Variants in FBXL7 observed in about 807,000 individuals in gnomAD.
The protein encoded by FBXL7 is F-box/LRR-repeat protein 7.
Under a neutral mutation model 38.3 loss-of-function variants are expected in FBXL7, and 12 were observed. The observed-to-expected ratio is 0.31, with a 90% confidence interval of 0.20 to 0.51. The LOEUF (loss-of-function observed/expected upper bound fraction) is 0.51, where lower values mean the gene tolerates loss of function less well. Ranked by LOEUF, FBXL7 falls within the 20% of genes least tolerant of loss-of-function variation. The pLI is 0.98. For missense variants in FBXL7, 567 were observed against 676.4 expected (o/e 0.84, Z 1.79); for synonymous variants, 297 against 300.9 (o/e 0.99, Z 0.13).
At chr5:15,798,196 G>A (rs112142393) in intron 2 of FBXL7, among the ~76,000 whole-genome samples, 3 of 152,226 alleles carry the variant, frequency 2.0e-5, no homozygotes, top group Non-Finnish European at 4.4e-5. Context: ...TTTCTATTTG[G>A]AAAGACTGAT....
chr5:15,848,325 C>G (rs1216580306), intron 2 of FBXL7, among the ~76,000 whole-genome samples: 1 of 151,970 alleles, frequency 6.6e-6, no homozygotes, highest in Non-Finnish European at 1.5e-5. Context: ...CACAATATGG[C>G]AGACACAACA....
chr5:15,784,519 T>C (rs1737082830), intron 2 of FBXL7, among the ~76,000 whole-genome samples: 1 of 152,116 alleles, frequency 6.6e-6, no homozygotes, highest in Non-Finnish European at 1.5e-5. Context: ...AAATCTCACG[T>C]TGAAATGTAA....
At chr5:15,763,699 G>A (rs1202889788) in intron 2 of FBXL7, among the ~76,000 whole-genome samples, 16 of 152,092 alleles carry the variant, frequency 1.1e-4, no homozygotes, top group Non-Finnish European at 8.8e-5. Flanking sequence ...TCACTTTTGA[G>A]TTGAAAACAA....
intron 2 of FBXL7, among the ~76,000 whole-genome samples, chr5:15,670,312 A>G (rs896547674): frequency 6.6e-6 from 1 of 152,164 alleles, no homozygotes; most frequent in East Asian, 1.9e-4. Context: ...ATATGACTGA[A>G]TCATTGTTCC....
intron 1 of FBXL7, among the ~76,000 whole-genome samples, chr5:15,597,602 G>A (rs1036211718): frequency 6.6e-6 from 1 of 151,878 alleles, no homozygotes; most frequent in African/African-American, 2.4e-5. Flanking sequence ...AAGAAGGCGT[G>A]TGAAGAAGGC....
chr5:15,604,319 T>C (rs1319024111), intron 1 of FBXL7, among the ~76,000 whole-genome samples: 16 of 152,212 alleles, frequency 1.1e-4, no homozygotes, highest in Admixed American at 1.0e-3. Context: ...AAAGTTGGTA[T>C]GTGGAATGAT....
chr5:15,760,453 G>T (rs1736411885), intron 2 of FBXL7, among the ~76,000 whole-genome samples: 1 of 151,344 alleles, frequency 6.6e-6, no homozygotes, highest in Non-Finnish European at 1.5e-5. Context: ...AAAAAGTTGA[G>T]AGAGTCCTAG....
chr5:15,721,876 C>T (rs954767429), intron 2 of FBXL7, among the ~76,000 whole-genome samples: 3 of 151,898 alleles, frequency 2.0e-5, no homozygotes, highest in African/African-American at 7.3e-5. Context: ...GCTCTGTCGC[C>T]CAGGCTAGAG....
intron 2 of FBXL7, among the ~76,000 whole-genome samples, chr5:15,787,078 A>C (rs988943084): frequency 6.6e-6 from 1 of 152,220 alleles, no homozygotes; most frequent in Non-Finnish European, 1.5e-5. Flanking sequence ...CAGCTGGAAG[A>C]GGCCAGGATG....
At chr5:15,603,932 T>C (rs1739899301) in intron 1 of FBXL7, among the ~76,000 whole-genome samples, 1 of 152,150 alleles carries the variant, frequency 6.6e-6, no homozygotes. Context: ...AGGCCAAAAG[T>C]TCAAGACCAG....
rs192355349 is a variant in FBXL7, at chr5:15,727,120, A to G, written c.127+111048A>G. On this transcript the variant is annotated intron_variant, in intron 2 of 3. Transcript: ENST00000504595. The stretch of plus-strand genomic sequence containing the variant: ...GAAAACTCTGCTCCTTTATAGCTCC[A>G]TCTTCACCCCTCTTGGTTGTTGATG... Among the ~76,000 whole-genome samples, 391 of 152,250 alleles carry G rather than the reference A, an allele frequency of 2.6e-3. 1 individual carries two copies. Among genetic ancestry groups the G allele is most frequent in the Admixed American group, 9.7e-3 (148 of 15,276 alleles).
At chr5:15,702,232 T>C (rs1266133087) in intron 2 of FBXL7, among the ~76,000 whole-genome samples, 1 of 82,438 alleles carries the variant, frequency 1.2e-5, no homozygotes, top group African/African-American at 4.6e-5. Context: ...GCGAGACTCC[T>C]CTCAAAAAAA....
chr5:15,727,020 T>G (rs1326736384), intron 2 of FBXL7, among the ~76,000 whole-genome samples: 1 of 152,170 alleles, frequency 6.6e-6, no homozygotes, highest in African/African-American at 2.4e-5. Context: ...GTTATTACCA[T>G]AAGGATTACA....
rs200968710 is a variant in FBXL7 at position 15,905,418 on chromosome 5, T to TG, written c.128-22472_128-22471insG. Among the ~76,000 whole-genome samples, 787 of 152,304 alleles carry TG rather than the reference T, an allele frequency of 5.2e-3. 11 individuals are homozygous for TG. Among genetic ancestry groups the TG allele is most frequent in the African/African-American group, 0.018 (748 of 41,582 alleles). ...ATCTGGCCTAGAGTGAGGAATCCTT[T>TG]TTAAGACAGTTTGTATTGAATGAAC... On this transcript the variant is annotated intron_variant, in intron 2 of 3. Coordinates refer to ENST00000504595, the MANE Select transcript of FBXL7 (RefSeq NM_012304.5).
intron 2 of FBXL7, among the ~76,000 whole-genome samples, chr5:15,729,105 A>T (rs973304285): frequency 6.6e-6 from 1 of 152,152 alleles, no homozygotes; most frequent in African/African-American, 2.4e-5. Context: ...ATGTAAATGC[A>T]CTGAAATGGG....
intron 2 of FBXL7, among the ~76,000 whole-genome samples, chr5:15,921,451 C>T (rs1167137913): frequency 2.6e-5 from 4 of 151,562 alleles, no homozygotes. Flanking sequence ...CTTTTCAGAT[C>T]TGTCTGTCCA....
rs187655049 is a variant in FBXL7, at chr5:15,860,855, T to G, written c.128-67035T>G. Among the ~76,000 whole-genome samples, 13 of 152,280 alleles carry G rather than the reference T, an allele frequency of 8.5e-5. No individual in the cohort carries two copies. The East Asian group carries it at 2.5e-3, about 29-fold the overall frequency. On this transcript the variant is annotated intron_variant, in intron 2 of 3. Transcript: ENST00000504595. ...TAATTGTCTAGACCAGATGTCTAATTATATACTTAGAGAAGCTAAGGTCCA... is the reference window on the plus strand; with the variant it reads ...TAATTGTCTAGACCAGATGTCTAATGATATACTTAGAGAAGCTAAGGTCCA...
At chr5:15,789,235 A>G (rs1479778570) in intron 2 of FBXL7, among the ~76,000 whole-genome samples, 1 of 152,040 alleles carries the variant, frequency 6.6e-6, no homozygotes, top group Admixed American at 6.6e-5. Context: ...AGCAGCCATC[A>G]GAGTTTGGAA....
At chr5:15,609,471 T>C (rs1053306059) in intron 1 of FBXL7, among the ~76,000 whole-genome samples, 1 of 152,238 alleles carries the variant, frequency 6.6e-6, no homozygotes, top group Non-Finnish European at 1.5e-5. Context: ...GCTGGTCCTT[T>C]ATTCTAGTCA....
Sources: gnomAD v4.1 joint callset for allele counts (sites outside exome capture counted in the v4.1 genomes callset) on GRCh38, gnomAD v4.1.1 for gene constraint, MANE v1.5 for transcripts, NCBI Gene and HGNC (gene_info 2026-07-23, HGNC 2026-07-21) for gene names.